The following AHCTF1 variants were observed in gnomAD, a reference collection of about 807,000 sequenced individuals.
The protein encoded by AHCTF1 is AT-hook containing transcription factor 1, also known as protein ELYS.
In AHCTF1, 24 loss-of-function variants were observed where a neutral mutation model predicts 248.4. The ratio of observed to expected loss-of-function variants is 0.10; its 90% confidence interval spans 0.07 to 0.14. The LOEUF (loss-of-function observed/expected upper bound fraction) is 0.14. Ranked by LOEUF, AHCTF1 falls within the 10% of genes least tolerant of loss-of-function variation. The pLI is 1.00. For synonymous variants in AHCTF1, 786 were observed against 929.8 expected, an observed-to-expected ratio of 0.85 and a Z score of 2.81; for missense variants, 2,206 against 2,636.2, an observed-to-expected ratio of 0.84 and a Z score of 3.57.
rs535773551 is a variant in AHCTF1 at position 246,906,281 on chromosome 1, C to T, written c.765-624G>A. ...ATTTCTTTAGGAGCAAATTCAAAGA[C>T]GAGCTGACAAACTGGCAGCCGGGCG... is the stretch of plus-strand genomic sequence containing the variant. On this transcript the variant is annotated intron_variant, in intron 5 of 35. Coordinates refer to ENST00000648844, the MANE Select transcript of AHCTF1 (RefSeq NM_001323342.2). 5.3e-5 allele frequency among the ~76,000 whole-genome samples: 8 copies of T among 152,158 alleles called. 1 individual carries two copies. The South Asian group carries it at 6.2e-4, about 12-fold the overall frequency.
intron 6 of AHCTF1, among the ~76,000 whole-genome samples, chr1:246,904,275 G>A (rs552808551): frequency 6.6e-6 from 1 of 152,154 alleles, no homozygotes; most frequent in Non-Finnish European, 1.5e-5. Flanking sequence ...GATATCTTAT[G>A]TAGCAAAGAC....
At chr1:246,892,031 T>C in intron 14 of AHCTF1, 112 bp from the exon 15 acceptor site, 4 of 1,190,450 alleles carry the variant, frequency 3.4e-6, no homozygotes, top group Non-Finnish European at 4.6e-6. Context: ...TTCTATTCAT[T>C]ATGAGATTTA....
chr1:246,918,155 T>C (rs1666276431), intron 2 of AHCTF1, 95 bp downstream of exon 2: 1 of 1,187,714 alleles, frequency 8.4e-7, no homozygotes, highest in Non-Finnish European at 1.1e-6. Context: ...GTTCTGCTTT[T>C]TCTTCTTCCA....
At chr1:246,908,122 C>T (rs904216131) in intron 4 of AHCTF1, among the ~76,000 whole-genome samples, 12 of 151,814 alleles carry the variant, frequency 7.9e-5, no homozygotes, top group South Asian at 6.2e-4. Context: ...TGGCTGATTC[C>T]GGGTCAGGGG....
Position 246,916,871 on chromosome 1 carries a change from T to C in AHCTF1, c.122-476A>G, listed in dbSNP as rs923972. Among the ~76,000 whole-genome samples the C allele has an allele frequency of 2.0e-3, 299 of 152,314 alleles. 2 individuals carry two copies. Among genetic ancestry groups the C allele is most frequent in the African/African-American group, 6.9e-3 (285 of 41,560 alleles). On this transcript the variant is annotated intron_variant, in intron 2 of 35. Transcript: ENST00000648844. ...GCTTTAACTACTAAGGCTTAAACGA[T>C]TTAAACTAGAAGTTATGGCAGTTAT... is the stretch of plus-strand genomic sequence containing the variant.
Position 246,891,904 on chromosome 1 carries a change from T to C in AHCTF1, c.1820A>G (p.Asp607Gly). Residue 607 changes from aspartate to glycine, a missense_variant, in exon 15 of 36, where the codon GAT (aspartate) becomes GGT (glycine). Physicochemically the swap from Asp to Gly is moderately conservative, Grantham distance 94. Transcript: ENST00000648844. ...EFDRLCVPLF[D>G]GSCHFMDPQT... ...TGGATCCATGAAATGACACGAACCA[T>C]CAAATAATGGCACACCTTTCAAGAA... 6.3e-7 allele frequency: 1 copy of C among 1,595,892 alleles called. No individual in the cohort carries two copies. The highest frequency in any genetic ancestry group is 8.5e-7 in the Non-Finnish European group (1 of 1,175,076).
intron 12 of AHCTF1, 39 bp downstream of exon 12, chr1:246,898,169 T>G (rs757436317): frequency 6.2e-7 from 1 of 1,608,826 alleles, no homozygotes; most frequent in Non-Finnish European, 8.5e-7. Flanking sequence ...AATAACGTGA[T>G]CCAACCAAAA....
intron 34 of AHCTF1, among the ~76,000 whole-genome samples, chr1:246,843,117 T>C (rs1030144610): frequency 6.6e-6 from 1 of 152,338 alleles, no homozygotes; most frequent in East Asian, 1.9e-4. Context: ...CTACCCACAT[T>C]TCATCTTTCA....
chr1:246,901,854 T>C (rs1035935259), intron 8 of AHCTF1, among the ~76,000 whole-genome samples: 5 of 152,086 alleles, frequency 3.3e-5, no homozygotes, highest in Admixed American at 2.6e-4. Context: ...ATAAAAACTT[T>C]AAAAAGACGT....
intron 11 of AHCTF1, among the ~76,000 whole-genome samples, chr1:246,898,728 T>C (rs1664782610): frequency 6.6e-6 from 1 of 152,024 alleles, no homozygotes. Flanking sequence ...TAAGTATAAA[T>C]ACAGCATTCA....
chr1:246,931,358 T>G, intron 1 of AHCTF1: 1 of 1,535,380 alleles, frequency 6.5e-7, no homozygotes, highest in South Asian at 1.2e-5. Flanking sequence ...CGAGATTATG[T>G]AACGAAGCCC....
intron 29 of AHCTF1, 41 bp from the exon 30 acceptor site, chr1:246,857,855 T>G: frequency 6.5e-7 from 1 of 1,545,754 alleles, no homozygotes; most frequent in East Asian, 2.3e-5. Flanking sequence ...ATGCTAAATA[T>G]TTAGTGATTA....
At chr1:246,848,299 T>C (rs1319676564) in intron 33 of AHCTF1, among the ~76,000 whole-genome samples, 1 of 151,948 alleles carries the variant, frequency 6.6e-6, no homozygotes, top group Non-Finnish European at 1.5e-5. Context: ...CTGCAAGCTC[T>C]GCCTCCCAGG....
At chr1:246,852,263 C>T (rs570246672) in intron 32 of AHCTF1, among the ~76,000 whole-genome samples, 1 of 152,284 alleles carries the variant, frequency 6.6e-6, no homozygotes, top group Admixed American at 6.5e-5. Flanking sequence ...GAACTTTACT[C>T]ATCTATTTGG....
intron 24 of AHCTF1, 54 bp downstream of exon 24, chr1:246,875,983 T>A (rs1662930750): frequency 1.4e-6 from 2 of 1,467,000 alleles, no homozygotes; most frequent in African/African-American, 2.8e-5. Context: ...AAAGTAATCA[T>A]TCAGTATCTT....
At chr1:246,905,881 C>G (rs1171118766) in intron 5 of AHCTF1, among the ~76,000 whole-genome samples, 1 of 152,144 alleles carries the variant, frequency 6.6e-6, no homozygotes, top group African/African-American at 2.4e-5. Flanking sequence ...TGGGAAGACT[C>G]AGATGCAGTC....
At chr1:246,900,541 G>T (rs1664923033) in intron 8 of AHCTF1, 72 bp from the exon 9 acceptor site, 1 of 1,453,340 alleles carries the variant, frequency 6.9e-7, no homozygotes, top group Non-Finnish European at 9.2e-7. Flanking sequence ...CAGAATTATA[G>T]CAAGATTTTC....
intron 27 of AHCTF1, among the ~76,000 whole-genome samples, chr1:246,863,197 G>A (rs1661703226): frequency 6.6e-6 from 1 of 152,042 alleles, no homozygotes; most frequent in African/African-American, 2.4e-5. Context: ...ATTTTAGGAA[G>A]AGCACTTATT....
chr1:246,875,975 A>C, intron 24 of AHCTF1, 62 bp downstream of exon 24: 2 of 1,434,844 alleles, frequency 1.4e-6, no homozygotes, highest in Non-Finnish European at 1.9e-6. Flanking sequence ...GTTTCAGAAA[A>C]GTAATCATTC....
Sources: gnomAD v4.1 joint callset for allele counts (sites outside exome capture counted in the v4.1 genomes callset) on GRCh38, gnomAD v4.1.1 for gene constraint, MANE v1.5 for transcripts, NCBI Gene and HGNC (gene_info 2026-07-23, HGNC 2026-07-21) for gene names.